ASIC2: variants seen among roughly 807,000 people sequenced by gnomAD.
ASIC2 encodes acid sensing ion channel subunit 2.
ASIC2 carries 25 observed loss-of-function variants against 57.3 expected under a neutral mutation model. That is an observed-to-expected ratio of 0.44 (90% confidence interval 0.32 to 0.61). ASIC2 has a LOEUF of 0.61. ASIC2 is among the 20% of genes least tolerant of loss of function. ASIC2 has a pLI of 0.06. For missense variants in ASIC2, 641 were observed against 738.1 expected (o/e 0.87, Z 1.52); for synonymous variants, 319 against 307.5 (o/e 1.04, Z -0.39).
chr17:33,852,688 C>A (rs567842934), intron 1 of ASIC2, among the ~76,000 whole-genome samples: 1 of 152,250 alleles, frequency 6.6e-6, no homozygotes, highest in Admixed American at 6.5e-5. Context: ...ACCTTGCTAC[C>A]TCTTGATAAG....
intron 1 of ASIC2, among the ~76,000 whole-genome samples, chr17:33,874,466 A>G (rs892651670): frequency 1.3e-5 from 2 of 152,194 alleles, no homozygotes; most frequent in Non-Finnish European, 2.9e-5. Flanking sequence ...CTGTATTTTC[A>G]TTTGCTAAAC....
chr17:33,844,470 C>T (rs1018788089), intron 1 of ASIC2, among the ~76,000 whole-genome samples: 4 of 152,068 alleles, frequency 2.6e-5, no homozygotes, highest in Admixed American at 6.6e-5. Flanking sequence ...ATCATAAAAT[C>T]GACTGTTGCC....
chr17:33,224,243 C>A (rs1907795243), intron 1 of ASIC2, among the ~76,000 whole-genome samples: 1 of 152,200 alleles, frequency 6.6e-6, no homozygotes, highest in Admixed American at 6.5e-5. Flanking sequence ...CACTTGCTTT[C>A]TGGGCTTTGA....
intron 1 of ASIC2, among the ~76,000 whole-genome samples, chr17:33,243,580 A>G (rs1908585955): frequency 6.6e-6 from 1 of 152,188 alleles, no homozygotes; most frequent in African/African-American, 2.4e-5. Flanking sequence ...CTGTTTCGCC[A>G]TCAGTAATTG....
rs539542609 is a variant in ASIC2 at position 33,427,159 on chromosome 17, C to T, written c.556-315092G>A. Among the ~76,000 whole-genome samples the T allele has an allele frequency of 4.6e-5, 7 of 152,206 alleles. No homozygotes were observed. In the East Asian group the frequency reaches 1.4e-3, roughly 30 times the overall value. ...ATCAGAAGGATTCGGGACTTACCCC[C>T]GTGATTGTTGGGAGACCATCGCTCA... On this transcript the variant is annotated intron_variant, in intron 1 of 9. Transcript: ENST00000359872.
chr17:33,093,117 T>C (rs2092164242), intron 2 of ASIC2, among the ~76,000 whole-genome samples: 1 of 152,164 alleles, frequency 6.6e-6, no homozygotes, highest in African/African-American at 2.4e-5. Context: ...CAGTGCCAAA[T>C]GAAAATGCAG....
rs1253524960 is a variant in ASIC2, at chr17:33,735,467, G to T, written c.555+420511C>A. 7.2e-5 allele frequency among the ~76,000 whole-genome samples: 11 copies of T among 152,300 alleles called. No individual in the cohort carries two copies. In the Middle Eastern group the frequency reaches 0.014, roughly 190 times the overall value. On this transcript the variant is annotated intron_variant, in intron 1 of 9. Transcript: ENST00000359872. ...CCCTGGGTGACTTCAGACATAGCAG[G>T]TTCCTTTAGAATGGAATCAAGGAAA...
intron 1 of ASIC2, among the ~76,000 whole-genome samples, chr17:33,738,679 T>C (rs1198378310): frequency 6.6e-6 from 1 of 152,166 alleles, no homozygotes; most frequent in African/African-American, 2.4e-5. Context: ...CACTCAATCC[T>C]TGTTTCTGAC....
intron 1 of ASIC2, among the ~76,000 whole-genome samples, chr17:33,844,827 G>T (rs1358467394): frequency 2.0e-5 from 3 of 152,116 alleles, no homozygotes; most frequent in Non-Finnish European, 2.9e-5. Context: ...CTATGTGCTA[G>T]ATAGTCTCAT....
intron 1 of ASIC2, among the ~76,000 whole-genome samples, chr17:34,063,085 G>A (rs909395447): frequency 1.2e-4 from 18 of 151,954 alleles, no homozygotes; most frequent in Non-Finnish European, 2.5e-4. Flanking sequence ...ATTACAGACC[G>A]ATATCCTTGA....
intron 1 of ASIC2, among the ~76,000 whole-genome samples, chr17:33,209,578 G>A (rs1907196438): frequency 6.6e-6 from 1 of 152,174 alleles, no homozygotes; most frequent in Non-Finnish European, 1.5e-5. Flanking sequence ...ATGTCTCCAG[G>A]CACTGCCAAT....
At chr17:33,471,369 C>G (rs562626051) in intron 1 of ASIC2, among the ~76,000 whole-genome samples, 1 of 152,308 alleles carries the variant, frequency 6.6e-6, no homozygotes, top group South Asian at 2.1e-4. Context: ...AACTCAGCAA[C>G]ATAGGCCTTA....
At chr17:33,577,379 A>T (rs1460780972) in intron 1 of ASIC2, among the ~76,000 whole-genome samples, 4 of 152,060 alleles carry the variant, frequency 2.6e-5, no homozygotes. Flanking sequence ...CTGGAAGGGA[A>T]TCTCCAGGGG....
At chr17:33,523,508 C>G (rs182408645) in intron 1 of ASIC2, among the ~76,000 whole-genome samples, 1 of 152,248 alleles carries the variant, frequency 6.6e-6, no homozygotes, top group East Asian at 1.9e-4. Context: ...ATCCACCCAC[C>G]GGGACTCCCA....
intron 1 of ASIC2, among the ~76,000 whole-genome samples, chr17:33,878,761 A>G (rs1056098491): frequency 6.6e-6 from 1 of 152,226 alleles, no homozygotes; most frequent in Admixed American, 6.5e-5. Context: ...AGAGAATGCC[A>G]CAAAGATACT....
rs147903876 is a variant in ASIC2, at chr17:33,157,655, G to C, written c.709-45588C>G. Among the ~76,000 whole-genome samples the C allele has an allele frequency of 4.0e-3, 613 of 152,282 alleles. 3 individuals carry two copies. The highest frequency in any genetic ancestry group is 6.3e-3 in the Admixed American group (97 of 15,302). ...TCTTTATGACATATCAAGAATGCAA[G>C]CAGGTTGCCACCTCCCTGCTCCCAC... is the stretch of plus-strand genomic sequence containing the variant. On this transcript the variant is annotated intron_variant, in intron 1 of 9. Transcript: ENST00000225823.
chr17:33,631,276 G>A (rs1166962529), intron 1 of ASIC2, among the ~76,000 whole-genome samples: 2 of 150,844 alleles, frequency 1.3e-5, no homozygotes, highest in Non-Finnish European at 2.9e-5. Flanking sequence ...TAGTTATTTC[G>A]TTTGTGCTCC....
chr17:33,025,875 C>G (rs768460304), intron 5 of ASIC2, 51 bp downstream of exon 5: 2 of 1,511,876 alleles, frequency 1.3e-6, no homozygotes, highest in Non-Finnish European at 1.8e-6. Context: ...TCCATGATCT[C>G]AGTCTCAGGC....
chr17:33,329,650 A>C (rs1335794959), intron 1 of ASIC2, among the ~76,000 whole-genome samples: 4 of 152,218 alleles, frequency 2.6e-5, no homozygotes, highest in Middle Eastern at 3.2e-3. Flanking sequence ...TACATTTTAC[A>C]TACAAACTTG....
Sources: allele counts gnomAD v4.1 joint callset (sites outside exome capture counted in the v4.1 genomes callset), GRCh38; gene constraint gnomAD v4.1.1; transcripts MANE v1.5; gene names NCBI Gene and HGNC (gene_info 2026-07-23, HGNC 2026-07-21).